The following CEMIP2 variants were observed in gnomAD, a reference collection of about 807,000 sequenced individuals.
CEMIP2 encodes cell migration inducing hyaluronidase 2, also known as cell surface hyaluronidase CEMIP2.
Under a neutral mutation model 146.9 loss-of-function variants are expected in CEMIP2, and 79 were observed. The observed-to-expected ratio is 0.54, with a 90% CI of 0.45 to 0.65. The LOEUF (loss-of-function observed/expected upper bound fraction) is 0.65. Ranked by LOEUF, CEMIP2 falls within the 30% of genes least tolerant of loss-of-function variation. CEMIP2 has a pLI of 0.00. For missense variants in CEMIP2, 1,596 were observed against 1,696.2 expected (o/e 0.94, Z 1.04); for synonymous variants, 601 against 606.3 (o/e 0.99, Z 0.13).
intron 5 of CEMIP2, among the ~76,000 whole-genome samples, chr9:71,737,155 CAAA>C (rs34623620): frequency 1.1e-4 from 12 of 107,064 alleles, no homozygotes; most frequent in African/African-American, 1.4e-4. Flanking sequence ...AGATCTTTCT[CAAA>C]AAAAAAAAAA....
At chr9:71,704,262 T>G (rs1822662217) in intron 18 of CEMIP2, among the ~76,000 whole-genome samples, 1 of 152,134 alleles carries the variant, frequency 6.6e-6, no homozygotes. Flanking sequence ...ATTTTTCAGG[T>G]AAGCAAATGC....
At chr9:71,751,386 C>T (rs151135919) in intron 1 of CEMIP2, among the ~76,000 whole-genome samples, 52 of 152,358 alleles carry the variant, frequency 3.4e-4, no homozygotes, top group African/African-American at 1.2e-3. Context: ...TCAACCCTGG[C>T]TGCATAGTGT....
intron 22 of CEMIP2, among the ~76,000 whole-genome samples, chr9:71,688,275 G>T (rs1443731957): frequency 1.3e-5 from 2 of 152,002 alleles, no homozygotes; most frequent in Non-Finnish European, 2.9e-5. Flanking sequence ...GAGTCATCAA[G>T]GATACCTACA....
chr9:71,741,273 C>T (rs1589158115), intron 4 of CEMIP2, among the ~76,000 whole-genome samples: 1 of 149,282 alleles, frequency 6.7e-6, no homozygotes, highest in African/African-American at 2.5e-5. Context: ...CTCGGCTCAC[C>T]GCAACCTCCT....
At chr9:71,725,264 G>A (rs973377952) in intron 11 of CEMIP2, among the ~76,000 whole-genome samples, 17 of 152,124 alleles carry the variant, frequency 1.1e-4, no homozygotes, top group Non-Finnish European at 8.8e-5. Context: ...AGGTCATAAC[G>A]GATTCGCCCT....
chr9:71,742,419 A>G (rs1007245160), intron 4 of CEMIP2, among the ~76,000 whole-genome samples: 1 of 152,194 alleles, frequency 6.6e-6, no homozygotes, highest in African/African-American at 2.4e-5. Flanking sequence ...ATTATCTCCA[A>G]AACACTCCTA....
rs1175493646 is a variant in CEMIP2 at position 71,689,514 on chromosome 9, T to G, written c.3851+578A>C. ...CATCAAAGAAAACCAATCAGACTAG[T>G]GCTCTGTAAGAGCGATTGCACACTC... On this transcript the variant is annotated intron_variant, in intron 22 of 23. Coordinates refer to ENST00000377044, the MANE Select transcript of CEMIP2 (RefSeq NM_013390.3). 2.6e-5 allele frequency among the ~76,000 whole-genome samples: 4 copies of G among 152,364 alleles called. No individual in the cohort carries two copies. In the East Asian group the frequency reaches 7.7e-4, roughly 29 times the overall value.
intron 23 of CEMIP2, 123 bp from the exon 24 acceptor site, chr9:71,685,516 A>C (rs1233426307): frequency 5.0e-6 from 6 of 1,188,200 alleles, no homozygotes; most frequent in Non-Finnish European, 6.8e-6. Flanking sequence ...AAAACTCTGC[A>C]CTTCCTTACA....
chr9:71,759,093 C>A lies in CEMIP2; in HGVS notation c.-12-8708G>T, dbSNP rs575345235. Among the ~76,000 whole-genome samples the A allele has an allele frequency of 4.0e-4, 61 of 152,266 alleles. 1 individual carries two copies. The highest frequency in any genetic ancestry group is 8.4e-4 in the Non-Finnish European group (57 of 68,018). On this transcript the variant is annotated intron_variant, in intron 1 of 23. Transcript: ENST00000377044. The stretch of plus-strand genomic sequence containing the variant: ...TGTTCAGAGGTAGAAGGGAAATGCA[C>A]CAACTCTTAATTATAAACCTCTGCC...
chr9:71,747,438 A>G (rs1012265609), intron 2 of CEMIP2, among the ~76,000 whole-genome samples: 2 of 152,194 alleles, frequency 1.3e-5, no homozygotes, highest in African/African-American at 4.8e-5. Context: ...TGAACAGGTG[A>G]CTTGAGAGCT....
chr9:71,698,341 T>C (rs1434089671), intron 19 of CEMIP2, 137 bp from the exon 20 acceptor site: 3 of 708,814 alleles, frequency 4.2e-6, no homozygotes, highest in African/African-American at 3.6e-5. Context: ...ACAAAATGAA[T>C]AGTTATTTCT....
Position 71,716,966 on chromosome 9 carries a change from A to G in CEMIP2, c.2400-414T>C, listed in dbSNP as rs1041482668. Among the ~76,000 whole-genome samples, 18 of 152,276 alleles carry G rather than the reference A, an allele frequency of 1.2e-4. No homozygotes were observed. The South Asian group carries it at 1.5e-3, about 12-fold the overall frequency. On this transcript the variant is annotated intron_variant, in intron 13 of 23. Coordinates refer to ENST00000377044, the MANE Select transcript of CEMIP2 (RefSeq NM_013390.3). Reference sequence around the variant, plus strand: ...GCAGGAGAATCGCTTGAGCCCAGGAAGTCAAGACCAGCATGGGCAACACAG... The same window carrying G: ...GCAGGAGAATCGCTTGAGCCCAGGAGGTCAAGACCAGCATGGGCAACACAG...
intron 5 of CEMIP2, among the ~76,000 whole-genome samples, chr9:71,738,394 A>G (rs1823819854): frequency 6.6e-6 from 1 of 152,164 alleles, no homozygotes; most frequent in South Asian, 2.1e-4. Context: ...ACGCACCTGT[A>G]ATCCCAGCTA....
At chr9:71,710,210 CA>C (rs1460732547) in intron 16 of CEMIP2, among the ~76,000 whole-genome samples, 5 of 152,178 alleles carry the variant, frequency 3.3e-5, no homozygotes, top group African/African-American at 1.2e-4. Context: ...TGTACAGCTG[CA>C]AAATGGGCTG....
intron 22 of CEMIP2, among the ~76,000 whole-genome samples, chr9:71,687,862 T>C (rs79775089): frequency 0.019 from 2,945 of 152,052 alleles, 94 homozygotes; most frequent in Admixed American, 0.084. Flanking sequence ...TTTGTTTTCT[T>C]TTGTTTTTTT....
Position 71,739,479 on chromosome 9 carries a change from T to A in CEMIP2, c.1204+584A>T, listed in dbSNP as rs189387738. 2.9e-3 allele frequency among the ~76,000 whole-genome samples: 439 copies of A among 151,076 alleles called. 1 individual carries two copies. Among genetic ancestry groups the A allele is most frequent in the African/African-American group, 0.01 (426 of 41,242 alleles). ...AATTCCTGCTAAGAAACGCTTCTTA[T>A]CTACCACCTATGCTTTTTGGCAGAG... On this transcript the variant is annotated intron_variant, in intron 5 of 23. Transcript: ENST00000377044.
chr9:71,705,261 C>T (rs546061832), intron 17 of CEMIP2, among the ~76,000 whole-genome samples: 3 of 151,846 alleles, frequency 2.0e-5, no homozygotes, highest in South Asian at 4.2e-4. Context: ...CCATGACCTA[C>T]GTCAGCCCAC....
At chr9:71,730,520 G>A (rs975546448) in intron 8 of CEMIP2, among the ~76,000 whole-genome samples, 185 bp downstream of exon 8, 2 of 152,070 alleles carry the variant, frequency 1.3e-5, no homozygotes, top group Admixed American at 6.5e-5. Flanking sequence ...TTTAAAAGAG[G>A]ATACTCTGGG....
chr9:71,706,086 A>T (rs1346464212), intron 17 of CEMIP2, among the ~76,000 whole-genome samples: 2 of 151,888 alleles, frequency 1.3e-5, no homozygotes, highest in Admixed American at 6.6e-5. Context: ...AAAATTAGCC[A>T]GGTGTGGTGG....
Sources: gnomAD v4.1 joint callset for allele counts (sites outside exome capture counted in the v4.1 genomes callset) on GRCh38, gnomAD v4.1.1 for gene constraint, MANE v1.5 for transcripts, NCBI Gene and HGNC (gene_info 2026-07-23, HGNC 2026-07-21) for gene names.